Variants in SLC33A1 observed in about 807,000 individuals in gnomAD.
The protein encoded by SLC33A1 is acetyl-coenzyme A transporter 1.
A neutral mutation model predicts 50.0 loss-of-function variants in SLC33A1; 20 were observed. The ratio of observed to expected loss-of-function variants is 0.40; its 90% CI spans 0.28 to 0.58. The LOEUF (loss-of-function observed/expected upper bound fraction) is 0.58. Among genes scored for constraint, SLC33A1 ranks in the 20% least tolerant of loss-of-function variants. The probability of loss-of-function intolerance (pLI) is 0.44; values close to 1 mark genes in which losing one functional copy is unlikely to be tolerated. For missense variants in SLC33A1, 476 were observed against 657.0 expected (o/e 0.72, Z 3.01); for synonymous variants, 265 against 251.8 (o/e 1.05, Z -0.50).
chr3:155,831,534 T>C (rs1279812451), intron 4 of SLC33A1, among the ~76,000 whole-genome samples: 7 of 150,798 alleles, frequency 4.6e-5, no homozygotes, highest in Non-Finnish European at 7.4e-5. Flanking sequence ...AGAAGGCTTA[T>C]GTCATACATC....
At position 155,846,076 on chromosome 3, in the gene SLC33A1, T is replaced by C. The variant is rs545493377; in HGVS notation, c.776-3457A>G. 3.3e-5 allele frequency among the ~76,000 whole-genome samples: 5 copies of C among 152,348 alleles called. No homozygotes were observed. The East Asian group carries it at 7.7e-4, about 23-fold the overall frequency. On this transcript the variant is annotated intron_variant, in intron 1 of 5. Transcript: ENST00000643144. The stretch of plus-strand genomic sequence containing the variant: ...AGATCTTGTCCAGTGCTTTCACGAA[T>C]GCAGAAATTAAGAGCATGTAACAAT...
intron 1 of SLC33A1, among the ~76,000 whole-genome samples, chr3:155,849,125 G>A (rs1753296697): frequency 6.6e-6 from 1 of 152,026 alleles, no homozygotes; most frequent in Non-Finnish European, 1.5e-5. Flanking sequence ...ATGTTGCCCA[G>A]AGTGGTCTTG....
At chr3:155,839,300 CAAAAAAAA>C (rs550171374) in intron 2 of SLC33A1, among the ~76,000 whole-genome samples, 2 of 25,702 alleles carry the variant, frequency 7.8e-5, no homozygotes, top group Non-Finnish European at 1.6e-4. Flanking sequence ...AACTCCGCCT[CAAAAAAAA>C]AAAAAAAAAA....
Position 155,853,893 on chromosome 3 carries a change from C to G in SLC33A1, c.105G>C (p.Trp35Cys). ...MKSGPLPPGGWDDSHLDSAGR... is the reference protein window; with the variant it reads ...MKSGPLPPGGCDDSHLDSAGR... ...CCGCTGAGTCCAAATGACTGTCATC[C>G]CAACCGCCTGGCGGCAGGGGACCGC... The change falls in exon 1 of 6, where the codon TGG becomes TGC. Residue 35 changes from tryptophan to cysteine, a missense_variant. Physicochemically the swap from Trp to Cys is radical, Grantham distance 215. Coordinates refer to ENST00000643144, the MANE Select transcript of SLC33A1 (RefSeq NM_004733.4). The G allele has an allele frequency of 5.2e-6, 8 of 1,550,432 alleles. No homozygotes were observed. Among genetic ancestry groups the G allele is most frequent in the Non-Finnish European group, 7.0e-6 (8 of 1,150,898 alleles).
chr3:155,842,562 A>C lies in SLC33A1; in HGVS notation c.833T>G (p.Leu278Arg). ...FLITTTLVAL[L>R]KKENEVSVVK... is the part of the protein sequence containing the mutation. ...TACTGATACTTCGTTTTCTTTTTTCAGAAGGGCAACCAATGTTGTTGTTAT... is the reference window on the plus strand; with the variant it reads ...TACTGATACTTCGTTTTCTTTTTTCCGAAGGGCAACCAATGTTGTTGTTAT... Residue 278 changes from leucine (L) to arginine (R), a missense_variant, in exon 2 of 6, where the codon CTG (leucine) becomes CGG (arginine). Physicochemically the swap from Leu to Arg is moderately radical, Grantham distance 102. Transcript: ENST00000643144. The C allele has an allele frequency of 6.2e-7, 1 of 1,603,476 alleles. No homozygotes were observed. Among genetic ancestry groups the C allele is most frequent in the Non-Finnish European group, 8.5e-7 (1 of 1,173,590 alleles).
rs1229509330 is a variant in SLC33A1, at chr3:155,825,373, C to T, written c.*2837G>A. On this transcript the variant is annotated 3_prime_UTR_variant, in exon 6 of 6. Transcript: ENST00000643144. ...TTCTTATTATATTGACCAGGTTGGT[C>T]TTGAACTCTTGACCTCAAGTGATCC... 1 of 151,810 alleles carries T rather than the reference C, an allele frequency of 6.6e-6. No homozygotes were observed. The highest frequency in any genetic ancestry group is 2.4e-5 in the African/African-American group (1 of 41,294). 9.4% of individuals were successfully genotyped at this position (151,810 alleles called of 1,614,324 possible).
chr3:155,841,823 C>T (rs1034035173), intron 2 of SLC33A1, among the ~76,000 whole-genome samples: 1 of 152,086 alleles, frequency 6.6e-6, no homozygotes, highest in Middle Eastern at 3.2e-3. Context: ...TCTCGGCTCA[C>T]TGCAACCTCT....
chr3:155,850,888 A>C (rs971026285), intron 1 of SLC33A1, among the ~76,000 whole-genome samples: 12 of 151,552 alleles, frequency 7.9e-5, no homozygotes, highest in African/African-American at 2.9e-4. Flanking sequence ...AAGTGCTGGG[A>C]TTACAGGCGT....
rs1752102795 is a variant in SLC33A1 at position 155,822,144 on chromosome 3, G to A, written c.*6066C>T. On this transcript the variant is annotated 3_prime_UTR_variant, in exon 6 of 6. Transcript: ENST00000643144. ...TTTCTCTAATTTTATAGGGGCAGGT[G>A]ATAAAAAAATTTCAATTTCACTAAC... 6.6e-6 allele frequency: 1 copy of A among 151,976 alleles called. No homozygotes were observed. The highest frequency in any genetic ancestry group is 1.5e-5 in the Non-Finnish European group (1 of 67,988). 9.4% of individuals were successfully genotyped at this position (151,976 alleles called of 1,614,324 possible). A position where few individuals can be genotyped will look rare whatever the true frequency, so the allele number is the denominator to read the frequency against.
At chr3:155,836,654 T>C (rs1350221050) in intron 2 of SLC33A1, among the ~76,000 whole-genome samples, 1 of 152,188 alleles carries the variant, frequency 6.6e-6, no homozygotes, top group Non-Finnish European at 1.5e-5. Context: ...CACAGCACTT[T>C]GGGAGGATGA....
At position 155,828,360 on chromosome 3, in the gene SLC33A1, A is replaced by T; in HGVS notation, c.1500T>A (p.Gly500=). 6.2e-7 allele frequency: 1 copy of T among 1,604,048 alleles called. No individual in the cohort carries two copies. Among genetic ancestry groups the T allele is most frequent in the South Asian group, 1.1e-5 (1 of 90,872 alleles). Residue 500 remains glycine, a synonymous_variant, in exon 6 of 6, where the codon GGT becomes GGA. Coordinates refer to ENST00000643144, the MANE Select transcript of SLC33A1 (RefSeq NM_004733.4). Reference sequence around the variant, plus strand: ...CATCCAGGGCTGTAACACATGAGCCACCCAGTTTTTTGCAAAGCTGTAAAA... The same window carrying T: ...CATCCAGGGCTGTAACACATGAGCCTCCCAGTTTTTTGCAAAGCTGTAAAA... The part of the protein sequence containing the change: ...PDAVELCKKL[G]GSCVTALDGY...
intron 1 of SLC33A1, among the ~76,000 whole-genome samples, chr3:155,850,315 GCT>G (rs1753348717): frequency 6.6e-6 from 1 of 151,846 alleles, no homozygotes; most frequent in South Asian, 2.1e-4. Flanking sequence ...CCAGTTTGTT[GCT>G]TTTTATGTGT....
chr3:155,854,217 G>GC lies in SLC33A1; in HGVS notation c.-221dup. 1 of 417,502 alleles carries GC rather than the reference G, an allele frequency of 2.4e-6. No homozygotes were observed. Among genetic ancestry groups the GC allele is most frequent in the Non-Finnish European group, 4.3e-6 (1 of 235,250 alleles). 25.9% of individuals were successfully genotyped at this position (417,502 alleles called of 1,614,324 possible). On this transcript the variant is annotated 5_prime_UTR_variant, in exon 1 of 6. Transcript: ENST00000643144. ...AGGCCCAGAGGATGCCTGGATAGGT[G>GC]CCCCCTGGAACGGCGTCAAAGAGCC...
chr3:155,851,067 C>T (rs891982385), intron 1 of SLC33A1, among the ~76,000 whole-genome samples: 22 of 151,948 alleles, frequency 1.4e-4, no homozygotes, highest in African/African-American at 5.3e-4. Context: ...CACAGTGAAA[C>T]CTTGTCTGTA....
chr3:155,832,812 T>C (rs908477439), intron 4 of SLC33A1, among the ~76,000 whole-genome samples: 14 of 150,594 alleles, frequency 9.3e-5, no homozygotes, highest in Non-Finnish European at 2.1e-4. Context: ...AGAAAAGATA[T>C]TAGGAATTCA....
chr3:155,834,734 A>C (rs1752582487), intron 2 of SLC33A1, among the ~76,000 whole-genome samples: 1 of 152,206 alleles, frequency 6.6e-6, no homozygotes, highest in Admixed American at 6.5e-5. Context: ...CAGCAGTTAA[A>C]GGGATAAAGA....
chr3:155,852,810 A>G (rs1753450380), intron 1 of SLC33A1, among the ~76,000 whole-genome samples: 1 of 152,202 alleles, frequency 6.6e-6, no homozygotes, highest in African/African-American at 2.4e-5. Context: ...ACCCTGTTCC[A>G]TTCACTAGAA....
At position 155,842,549 on chromosome 3, in the gene SLC33A1, GT is replaced by G; in HGVS notation, c.845del (p.Asn282ThrfsTer5). ...TTTCTTCTTTTACTACTGATACTTC[GT>G]TTTCTTTTTTCAGAAGGGCAACCAA... ...TTLVALLKKE[N>X]EVSVVKEETQ... On this transcript the variant is annotated frameshift_variant, in exon 2 of 6. Coordinates refer to ENST00000643144, the MANE Select transcript of SLC33A1 (RefSeq NM_004733.4). LOFTEE classifies it high-confidence loss of function. The G allele has an allele frequency of 1.2e-6, 2 of 1,603,830 alleles. No individual in the cohort carries two copies. Among genetic ancestry groups the G allele is most frequent in the Non-Finnish European group, 1.7e-6 (2 of 1,174,128 alleles).
chr3:155,843,937 C>T (rs1227272890), intron 1 of SLC33A1, among the ~76,000 whole-genome samples: 1 of 152,292 alleles, frequency 6.6e-6, no homozygotes, highest in East Asian at 1.9e-4. Flanking sequence ...AAAATCCTTG[C>T]ATTATAGCTC....
Sources: gnomAD v4.1 joint callset for allele counts (sites outside exome capture counted in the v4.1 genomes callset) on GRCh38, gnomAD v4.1.1 for gene constraint, MANE v1.5 for transcripts, NCBI Gene and HGNC (gene_info 2026-07-23, HGNC 2026-07-21) for gene names.